TSPAN9: variants seen among roughly 807,000 people sequenced by gnomAD.
The protein encoded by TSPAN9 is tetraspanin-9.
Under a neutral mutation model 31.0 loss-of-function variants are expected in TSPAN9, and 16 were observed. That is an observed-to-expected ratio of 0.52 (90% CI 0.35 to 0.78). TSPAN9 has a LOEUF of 0.78. TSPAN9 is among the 30% of genes least tolerant of loss of function. TSPAN9 has a pLI of 0.01. For synonymous variants in TSPAN9, 145 were observed against 121.6 expected (o/e 1.19, Z -1.27); for missense variants, 272 against 312.5 (o/e 0.87, Z 0.98).
At chr12:3,117,327 C>T (rs528665671) in intron 2 of TSPAN9, among the ~76,000 whole-genome samples, 1 of 152,232 alleles carries the variant, frequency 6.6e-6, no homozygotes, top group East Asian at 1.9e-4. Flanking sequence ...ATTTTTTGGA[C>T]TCTGTTTTAT....
At chr12:3,174,669 G>A (rs1467366585) in intron 2 of TSPAN9, among the ~76,000 whole-genome samples, 5 of 152,126 alleles carry the variant, frequency 3.3e-5, no homozygotes, top group Non-Finnish European at 5.9e-5. Context: ...TGCAAGCTCC[G>A]CCTCCCGGGT....
At chr12:3,136,271 A>C (rs1158777483) in intron 2 of TSPAN9, among the ~76,000 whole-genome samples, 1 of 152,228 alleles carries the variant, frequency 6.6e-6, no homozygotes, top group Non-Finnish European at 1.5e-5. Flanking sequence ...AATCAGGTGC[A>C]GCTGAGCGGG....
At chr12:3,164,439 A>G (rs1250819465) in intron 2 of TSPAN9, among the ~76,000 whole-genome samples, 1 of 152,214 alleles carries the variant, frequency 6.6e-6, no homozygotes, top group African/African-American at 2.4e-5. Context: ...CCTTGATTTG[A>G]AATAAAAGTT....
rs1447659203 is a variant in TSPAN9, at chr12:3,172,576, T to G, written c.-17-28601T>G. 1 of 152,242 alleles carries G rather than the reference T, an allele frequency of 6.6e-6. No individual in the cohort carries two copies. Among genetic ancestry groups the G allele is most frequent in the Non-Finnish European group, 1.5e-5 (1 of 68,114 alleles). 9.4% of individuals were successfully genotyped at this position (152,242 alleles called of 1,614,324 possible). A position where few individuals can be genotyped will look rare whatever the true frequency, so the allele number is the denominator to read the frequency against. ...GGGGTCTGGTCTGGGGTGTTTTCACTGACGTTTGGTTGGCCCTGCCAGCGG... is the reference window on the plus strand; with the variant it reads ...GGGGTCTGGTCTGGGGTGTTTTCACGGACGTTTGGTTGGCCCTGCCAGCGG... On this transcript the variant is annotated intron_variant, in intron 2 of 8. Transcript: ENST00000011898. The surrounding 1 kb of genome is among the most constrained non-coding windows in gnomAD (Gnocchi z 4.8).
At chr12:3,091,451 G>T (rs1255046687) in intron 2 of TSPAN9, among the ~76,000 whole-genome samples, 2 of 152,220 alleles carry the variant, frequency 1.3e-5, no homozygotes, top group Non-Finnish European at 2.9e-5. Flanking sequence ...GGCAGGGGAA[G>T]AGCCAGTGAT....
intron 2 of TSPAN9, among the ~76,000 whole-genome samples, chr12:3,131,374 C>A (rs1449364850): frequency 1.3e-5 from 2 of 152,216 alleles, no homozygotes; most frequent in African/African-American, 2.4e-5. Context: ...TGGTGGCGTA[C>A]AGCAGCAGCC....
At chr12:3,283,010 A>G in intron 8 of TSPAN9, 35 bp from the exon 9 acceptor site, 1 of 1,602,974 alleles carries the variant, frequency 6.2e-7, no homozygotes, top group Non-Finnish European at 8.5e-7. Flanking sequence ...AGGCTGCTGC[A>G]GCTCCTGCCT....
intron 3 of TSPAN9, among the ~76,000 whole-genome samples, chr12:3,203,949 C>G (rs900303924): frequency 1.3e-5 from 2 of 152,060 alleles, no homozygotes; most frequent in Non-Finnish European, 2.9e-5. Flanking sequence ...GAGGAAAGAG[C>G]AGAATGGGAA....
chr12:3,280,005 G>A lies in TSPAN9; in HGVS notation c.331-377G>A, dbSNP rs1289638132. On this transcript the variant is annotated intron_variant, in intron 5 of 8. Coordinates refer to ENST00000011898, the MANE Select transcript of TSPAN9 (RefSeq NM_006675.5). This position sits in a 1 kb window ranked among gnomAD's most constrained non-coding sequence, Gnocchi z 4.5. ...TGTTTTGAGAGGGGCAGTCTGTGGG[G>A]AAGCTGTGTAGTGGGGGGCGGGGGT... Among the ~76,000 whole-genome samples the A allele has an allele frequency of 1.3e-5, 2 of 151,792 alleles. No individual in the cohort carries two copies. Among genetic ancestry groups the A allele is most frequent in the African/African-American group, 4.8e-5 (2 of 41,296 alleles).
intron 3 of TSPAN9, among the ~76,000 whole-genome samples, chr12:3,271,149 T>TTTGTAA (rs758028371): frequency 5.4e-4 from 83 of 152,332 alleles, no homozygotes; most frequent in Non-Finnish European, 9.8e-4. Flanking sequence ...CCCTGACACC[T>TTTGTAA]TTGTAAGTTG....
intron 2 of TSPAN9, among the ~76,000 whole-genome samples, chr12:3,114,308 T>A (rs575274703): frequency 1.3e-5 from 2 of 152,322 alleles, no homozygotes; most frequent in South Asian, 2.1e-4. Context: ...TGCTTTTGAT[T>A]TTTTTTCAAC....
rs754125139 is a variant in TSPAN9 at position 3,280,500 on chromosome 12, C to A, written c.432+17C>A. 6.2e-7 allele frequency: 1 copy of A among 1,606,396 alleles called. No homozygotes were observed. ...CAGGCTGAGGTGCGGGCTGGGCCGC[C>A]CTGGTGGGGCCAGGCAGGGAGGAGG... On this transcript the variant is annotated intron_variant, in intron 6 of 8. Coordinates refer to ENST00000011898, the MANE Select transcript of TSPAN9 (RefSeq NM_006675.5). This position sits in a 1 kb window ranked among gnomAD's most constrained non-coding sequence, Gnocchi z 4.5.
chr12:3,188,868 A>G (rs1232091186), intron 2 of TSPAN9, among the ~76,000 whole-genome samples: 1 of 151,988 alleles, frequency 6.6e-6, no homozygotes, highest in Non-Finnish European at 1.5e-5. Context: ...GGTGTCCGAT[A>G]CATACACTGA....
intron 3 of TSPAN9, among the ~76,000 whole-genome samples, chr12:3,224,729 C>T (rs911587082): frequency 6.6e-6 from 1 of 152,220 alleles, no homozygotes. Flanking sequence ...GCGTGATGGG[C>T]GGGGGTAATG....
At chr12:3,159,227 G>A (rs2153969297) in intron 2 of TSPAN9, among the ~76,000 whole-genome samples, 1 of 151,570 alleles carries the variant, frequency 6.6e-6, no homozygotes, top group East Asian at 1.9e-4. Flanking sequence ...TTGAGAGCAG[G>A]AGCCGTGGCT....
chr12:3,195,343 C>A (rs1157080245), intron 2 of TSPAN9, among the ~76,000 whole-genome samples: 1 of 152,190 alleles, frequency 6.6e-6, no homozygotes, highest in African/African-American at 2.4e-5. Flanking sequence ...CAGTTGCCAA[C>A]CAGCAGAGAT....
chr12:3,221,423 A>G (rs925550269), intron 3 of TSPAN9, among the ~76,000 whole-genome samples: 7 of 146,162 alleles, frequency 4.8e-5, no homozygotes, highest in Non-Finnish European at 1.0e-4. Flanking sequence ...CAATGGTGTG[A>G]ATTTGGCTTA....
At chr12:3,250,112 C>T (rs911207660) in intron 3 of TSPAN9, among the ~76,000 whole-genome samples, 1 of 152,126 alleles carries the variant, frequency 6.6e-6, no homozygotes, top group Non-Finnish European at 1.5e-5. Flanking sequence ...AGGTCAGAAG[C>T]GTCCAGTGCC....
chr12:3,111,994 A>G (rs560066361), intron 2 of TSPAN9, among the ~76,000 whole-genome samples: 3 of 152,236 alleles, frequency 2.0e-5, no homozygotes, highest in Admixed American at 6.5e-5. Flanking sequence ...CCTCAAGGTT[A>G]CAAATCGAGG....
Sources: allele counts gnomAD v4.1 joint callset (sites outside exome capture counted in the v4.1 genomes callset), GRCh38; gene constraint gnomAD v4.1.1; non-coding constraint Gnocchi (gnomAD v3.1); transcripts MANE v1.5; gene names NCBI Gene and HGNC (gene_info 2026-07-23, HGNC 2026-07-21).